POU6F2: variants seen among roughly 807,000 people sequenced by gnomAD.
POU6F2 encodes the protein POU domain, class 6, transcription factor 2.
In POU6F2, 31 loss-of-function variants were observed where a neutral mutation model predicts 71.3. The ratio of observed to expected loss-of-function variants is 0.43; its 90% CI spans 0.33 to 0.59. The LOEUF is 0.59. Ranked by LOEUF, POU6F2 falls within the 20% of genes least tolerant of loss-of-function variation. POU6F2 has a pLI of 0.04. For synonymous variants in POU6F2, 347 were observed against 355.7 expected, an observed-to-expected ratio of 0.98 and a Z score of 0.27; for missense variants, 783 against 856.8, an observed-to-expected ratio of 0.91 and a Z score of 1.07.
intron 1 of POU6F2, among the ~76,000 whole-genome samples, chr7:38,999,669 T>A (rs745334790): frequency 2.2e-4 from 34 of 152,176 alleles, no homozygotes; most frequent in Non-Finnish European, 4.3e-4. Context: ...ACCCTAGGCC[T>A]CCTGTTTGGT....
intron 4 of POU6F2, among the ~76,000 whole-genome samples, chr7:39,259,625 G>T (rs1345969882): frequency 6.6e-6 from 1 of 152,138 alleles, no homozygotes; most frequent in Non-Finnish European, 1.5e-5. Flanking sequence ...CACACAGGGA[G>T]CCTGGGCCTG....
At chr7:39,341,659 T>C (rs568090079) in intron 5 of POU6F2, among the ~76,000 whole-genome samples, 4 of 152,254 alleles carry the variant, frequency 2.6e-5, no homozygotes, top group African/African-American at 9.6e-5. Context: ...CAAAGAAAAA[T>C]ATTGCCCTTC....
intron 4 of POU6F2, among the ~76,000 whole-genome samples, chr7:39,214,392 C>A (rs1192979533): frequency 6.6e-6 from 1 of 152,130 alleles, no homozygotes; most frequent in Non-Finnish European, 1.5e-5. Context: ...TTCTTTTTCC[C>A]TAACACTTAG....
At chr7:39,323,197 TGTG>T (rs1158517002) in intron 4 of POU6F2, among the ~76,000 whole-genome samples, 9 of 152,134 alleles carry the variant, frequency 5.9e-5, no homozygotes, top group Admixed American at 3.9e-4. Context: ...ACACATTAAT[TGTG>T]GTGCAATGCA....
At position 39,406,658 on chromosome 7, in the gene POU6F2, T is replaced by A. The variant is rs769282596; in HGVS notation, c.1031T>A (p.Ile344Lys). ...GCGGCTGCAGCAGCCATGAGCTCCA[T>A]AGCAAGCTCACAGGCCTTTGGCAAT... ...AAAAAAAMSS[I>K]ASSQAFGNAL... is the part of the protein sequence containing the mutation. The change falls in exon 6 of 10, where the codon ATA becomes AAA. Residue 344 changes from isoleucine (I) to lysine (K), a missense_variant. Coordinates refer to ENST00000518318, the MANE Select transcript of POU6F2 (RefSeq NM_001370959.1). 5.0e-6 allele frequency: 8 copies of A among 1,613,488 alleles called. No individual in the cohort carries two copies. The highest frequency in any genetic ancestry group is 1.1e-5 in the South Asian group (1 of 91,070).
At chr7:39,074,384 G>A (rs1790951341) in intron 1 of POU6F2, among the ~76,000 whole-genome samples, 1 of 151,954 alleles carries the variant, frequency 6.6e-6, no homozygotes, top group African/African-American at 2.4e-5. Context: ...GGAGGCTGAG[G>A]CAGGAGAATT....
chr7:39,099,219 A>G (rs1464533123), intron 2 of POU6F2, among the ~76,000 whole-genome samples: 5 of 152,228 alleles, frequency 3.3e-5, no homozygotes, highest in African/African-American at 1.2e-4. Flanking sequence ...GATTCTTTCA[A>G]ATAATAGCGA....
intron 1 of POU6F2, among the ~76,000 whole-genome samples, chr7:39,036,128 CTCTG>C (rs1790058746): frequency 6.6e-6 from 1 of 152,090 alleles, no homozygotes; most frequent in South Asian, 2.1e-4. Flanking sequence ...CAGGCTGTCT[CTCTG>C]TCTGTGATGA....
chr7:39,324,812 C>G (rs1156774551), intron 4 of POU6F2, among the ~76,000 whole-genome samples: 1 of 152,140 alleles, frequency 6.6e-6, no homozygotes, highest in Non-Finnish European at 1.5e-5. Context: ...TCTTAGGATT[C>G]TATTTTTGAT....
intron 4 of POU6F2, among the ~76,000 whole-genome samples, chr7:39,214,099 C>T (rs1403093609): frequency 2.6e-5 from 4 of 152,196 alleles, no homozygotes; most frequent in Non-Finnish European, 5.9e-5. Flanking sequence ...TTTCTGCTTC[C>T]AGTCAGTTCC....
chr7:39,141,632 G>T (rs537159028), intron 2 of POU6F2, among the ~76,000 whole-genome samples: 180 of 152,266 alleles, frequency 1.2e-3, no homozygotes, highest in Non-Finnish European at 1.8e-3. Flanking sequence ...TCTTAATACT[G>T]CTAGGAAGGA....
chr7:39,400,179 A>G (rs1240732207), intron 5 of POU6F2, among the ~76,000 whole-genome samples: 1 of 152,184 alleles, frequency 6.6e-6, no homozygotes. Context: ...TCCTAGAGCC[A>G]CCTCATTAGC....
At chr7:39,237,009 A>G (rs1794686944) in intron 4 of POU6F2, among the ~76,000 whole-genome samples, 2 of 152,212 alleles carry the variant, frequency 1.3e-5, no homozygotes, top group South Asian at 4.1e-4. Flanking sequence ...TGTGAAATAA[A>G]TCAGGGTATT....
At chr7:39,109,650 A>C (rs1259286803) in intron 2 of POU6F2, among the ~76,000 whole-genome samples, 3 of 152,210 alleles carry the variant, frequency 2.0e-5, no homozygotes, top group African/African-American at 7.2e-5. Flanking sequence ...AGTATAATTT[A>C]TACTGTAATT....
intron 1 of POU6F2, among the ~76,000 whole-genome samples, chr7:39,077,101 G>C (rs933225062): frequency 6.6e-6 from 1 of 152,186 alleles, no homozygotes; most frequent in Non-Finnish European, 1.5e-5. Context: ...TATGAATATA[G>C]GGTATGCGTA....
chr7:39,362,617 T>C (rs1401443352), intron 5 of POU6F2, among the ~76,000 whole-genome samples: 2 of 152,162 alleles, frequency 1.3e-5, no homozygotes, highest in African/African-American at 2.4e-5. Flanking sequence ...CACTTACAGA[T>C]GCCAAGCACT....
At chr7:39,016,499 G>T (rs887412860) in intron 1 of POU6F2, among the ~76,000 whole-genome samples, 1 of 151,914 alleles carries the variant, frequency 6.6e-6, no homozygotes, top group Non-Finnish European at 1.5e-5. Flanking sequence ...TAAAATAAAA[G>T]CTGTAAAATC....
intron 4 of POU6F2, among the ~76,000 whole-genome samples, chr7:39,332,805 T>C (rs1785683109): frequency 6.6e-6 from 1 of 152,180 alleles, no homozygotes; most frequent in African/African-American, 2.4e-5. Flanking sequence ...TTCATCTTGG[T>C]TGGCACTCAG....
chr7:39,430,333 C>T (rs1788070849), intron 6 of POU6F2, among the ~76,000 whole-genome samples: 1 of 152,218 alleles, frequency 6.6e-6, no homozygotes, highest in Non-Finnish European at 1.5e-5. Flanking sequence ...CCCACCTCCA[C>T]CTCCAAGGCA....
Sources: gnomAD v4.1 joint callset for allele counts (sites outside exome capture counted in the v4.1 genomes callset) on GRCh38, gnomAD v4.1.1 for gene constraint, MANE v1.5 for transcripts, NCBI Gene and HGNC (gene_info 2026-07-23, HGNC 2026-07-21) for gene names.